The following VAV3 variants were observed in gnomAD, a reference collection of about 807,000 sequenced individuals.
VAV3 encodes guanine nucleotide exchange factor VAV3.
In VAV3, 94 loss-of-function variants were observed where a neutral mutation model predicts 131.2. The ratio of observed to expected loss-of-function variants is 0.72; its 90% CI spans 0.61 to 0.85. VAV3 has a LOEUF of 0.85. VAV3 is among the 40% of genes least tolerant of loss of function. The pLI is 0.00. For synonymous variants in VAV3, 349 were observed against 342.0 expected, an observed-to-expected ratio of 1.02 and a Z score of -0.22; for missense variants, 939 against 1,002.7, an observed-to-expected ratio of 0.94 and a Z score of 0.86.
intron 25 of VAV3, chr1:107,576,389 T>C: frequency 6.6e-7 from 1 of 1,510,238 alleles, no homozygotes; most frequent in Non-Finnish European, 8.8e-7. Flanking sequence ...AGTAAAGCAG[T>C]ACCTGACCAG....
At chr1:107,649,147 C>T (rs1000620726) in intron 19 of VAV3, among the ~76,000 whole-genome samples, 5 of 152,044 alleles carry the variant, frequency 3.3e-5, no homozygotes, top group African/African-American at 1.2e-4. Flanking sequence ...GCTCTGTGGA[C>T]GTGTGAGTTA....
intron 15 of VAV3, among the ~76,000 whole-genome samples, chr1:107,723,800 T>C (rs1485548891): frequency 6.6e-6 from 1 of 152,142 alleles, no homozygotes; most frequent in African/African-American, 2.4e-5. Flanking sequence ...TTTTCCTCTG[T>C]TGTAAATTAG....
At chr1:107,870,883 C>T (rs999309171) in intron 2 of VAV3, among the ~76,000 whole-genome samples, 2 of 152,264 alleles carry the variant, frequency 1.3e-5, no homozygotes, top group East Asian at 1.9e-4. Flanking sequence ...GCCCTTCACA[C>T]TCACCCAGAG....
chr1:107,893,466 A>G (rs2016090), intron 1 of VAV3, among the ~76,000 whole-genome samples: 39,468 of 152,084 alleles, frequency 0.26, 5,128 homozygotes, highest in Middle Eastern at 0.33. Flanking sequence ...GGTAATTTAT[A>G]CAGGAAGAAG....
intron 22 of VAV3, among the ~76,000 whole-genome samples, chr1:107,603,477 G>A (rs1462797346): frequency 6.6e-6 from 1 of 151,984 alleles, no homozygotes; most frequent in Non-Finnish European, 1.5e-5. Flanking sequence ...GGGACAGGAA[G>A]GAAAAAGACT....
chr1:107,602,844 T>TA (rs750447468), intron 23 of VAV3, among the ~76,000 whole-genome samples: 57 of 152,312 alleles, frequency 3.7e-4, no homozygotes, highest in Non-Finnish European at 5.6e-4. Flanking sequence ...GAAAGAAATC[T>TA]AATATGCCAA....
intron 1 of VAV3, among the ~76,000 whole-genome samples, chr1:107,887,503 A>G (rs1339505472): frequency 6.6e-6 from 1 of 152,202 alleles, no homozygotes; most frequent in African/African-American, 2.4e-5. Flanking sequence ...TGAATCTTCT[A>G]TGAAATGTAA....
intron 2 of VAV3, among the ~76,000 whole-genome samples, chr1:107,794,782 G>A (rs575925461): frequency 6.6e-6 from 1 of 152,230 alleles, no homozygotes; most frequent in Non-Finnish European, 1.5e-5. Flanking sequence ...GTTAATCCAG[G>A]ATAATTTGAA....
intron 4 of VAV3, among the ~76,000 whole-genome samples, chr1:107,775,197 T>C (rs1329604711): frequency 7.6e-6 from 1 of 130,782 alleles, no homozygotes; most frequent in Non-Finnish European, 1.7e-5. Flanking sequence ...GGATTTATCC[T>C]GACATCATGT....
chr1:107,839,968 G>T (rs1379045532), intron 2 of VAV3, among the ~76,000 whole-genome samples: 4 of 152,068 alleles, frequency 2.6e-5, no homozygotes, highest in Non-Finnish European at 5.9e-5. Flanking sequence ...TCACACAGGA[G>T]AAATAGATAA....
At chr1:107,704,779 G>T in intron 16 of VAV3, 129 bp from the exon 17 acceptor site, 2 of 956,760 alleles carry the variant, frequency 2.1e-6, no homozygotes, top group African/African-American at 1.7e-5. Context: ...AGGGAGACGA[G>T]CTTGCCAGAG....
intron 2 of VAV3, among the ~76,000 whole-genome samples, chr1:107,846,657 A>G (rs1160720886): frequency 6.6e-6 from 1 of 152,228 alleles, no homozygotes; most frequent in Non-Finnish European, 1.5e-5. Flanking sequence ...TTAAACCAAC[A>G]AAGATCAAAA....
intron 1 of VAV3, among the ~76,000 whole-genome samples, chr1:107,926,600 T>C (rs1471930326): frequency 1.3e-5 from 2 of 151,866 alleles, no homozygotes; most frequent in African/African-American, 4.8e-5. Flanking sequence ...TGGTAGTAGC[T>C]GTGTGGTAGA....
chr1:107,797,283 G>A (rs371399874), intron 2 of VAV3, among the ~76,000 whole-genome samples: 85 of 152,266 alleles, frequency 5.6e-4, no homozygotes, highest in African/African-American at 1.9e-3. Flanking sequence ...TTGCCTCTTA[G>A]TAATTCTTAA....
At chr1:107,892,645 ATC>A (rs1251657394) in intron 1 of VAV3, among the ~76,000 whole-genome samples, 13 of 151,736 alleles carry the variant, frequency 8.6e-5, no homozygotes, top group African/African-American at 2.7e-4. Flanking sequence ...ACTCCTCTCT[ATC>A]TATATATAAA....
At chr1:107,594,150 C>A (rs1457675975) in intron 25 of VAV3, among the ~76,000 whole-genome samples, 1 of 152,020 alleles carries the variant, frequency 6.6e-6, no homozygotes, top group Non-Finnish European at 1.5e-5. Flanking sequence ...CCAACCTACA[C>A]CCCTTCTCTC....
intron 2 of VAV3, among the ~76,000 whole-genome samples, chr1:107,815,817 C>G (rs1667537544): frequency 6.6e-6 from 1 of 152,142 alleles, no homozygotes. Flanking sequence ...ACACAACAGT[C>G]TCCAACCTTT....
intron 22 of VAV3, among the ~76,000 whole-genome samples, chr1:107,606,250 G>A (rs1266977189): frequency 6.6e-6 from 1 of 152,092 alleles, no homozygotes; most frequent in East Asian, 1.9e-4. Context: ...AATTCTAGGT[G>A]AGAAATTATT....
chr1:107,787,105 T>C, intron 2 of VAV3, among the ~76,000 whole-genome samples: 1 of 152,152 alleles, frequency 6.6e-6, no homozygotes, highest in Non-Finnish European at 1.5e-5. Context: ...ATCTCTTCCT[T>C]TGCCTATCAG....
Sources: allele counts gnomAD v4.1 joint callset (sites outside exome capture counted in the v4.1 genomes callset), GRCh38; gene constraint gnomAD v4.1.1; transcripts MANE v1.5; gene names NCBI Gene and HGNC (gene_info 2026-07-23, HGNC 2026-07-21).